Variants in PSMB1 observed in about 807,000 individuals in gnomAD.
PSMB1 encodes the protein proteasome subunit beta type-1.
In PSMB1, 7 loss-of-function variants were observed where a neutral mutation model predicts 25.4. The observed-to-expected ratio is 0.28, with a 90% confidence interval of 0.16 to 0.52. PSMB1 has a LOEUF of 0.52. Among genes scored for constraint, PSMB1 ranks in the 20% least tolerant of loss-of-function variants. The pLI, the probability that PSMB1 is intolerant of heterozygous loss-of-function variation, is 0.97. For missense variants in PSMB1, 284 were observed against 302.2 expected (o/e 0.94, Z 0.45); for synonymous variants, 119 against 115.0 (o/e 1.03, Z -0.22).
At chr6:170,537,491 G>A in intron 4 of PSMB1, 151 bp from the exon 5 acceptor site, 1 of 628,068 alleles carries the variant, frequency 1.6e-6, no homozygotes, top group Non-Finnish European at 2.9e-6. Context: ...CTGTTGCACT[G>A]GTGACAGCTG....
intron 3 of PSMB1, among the ~76,000 whole-genome samples, chr6:170,545,819 G>GA (rs1362531878): frequency 1.3e-5 from 2 of 152,146 alleles, no homozygotes; most frequent in African/African-American, 4.8e-5. Context: ...TTTGAGGGAA[G>GA]AGTATCTTCA....
intron 3 of PSMB1, among the ~76,000 whole-genome samples, chr6:170,544,737 G>T (rs115367920): frequency 6.6e-6 from 1 of 152,018 alleles, no homozygotes; most frequent in Non-Finnish European, 1.5e-5. Flanking sequence ...AACTAGCACC[G>T]TAAAATTAAA....
At chr6:170,550,436 C>T (rs967902472) in intron 1 of PSMB1, 2 of 152,120 alleles carry the variant, frequency 1.3e-5, no homozygotes, top group South Asian at 4.1e-4. Flanking sequence ...GTATTCTGAG[C>T]AAGAATGATC....
intron 4 of PSMB1, among the ~76,000 whole-genome samples, chr6:170,542,391 GCTTT>G (rs1778767835): frequency 6.6e-6 from 1 of 152,180 alleles, no homozygotes; most frequent in East Asian, 1.9e-4. Context: ...CAGTCCCCTT[GCTTT>G]CTTTCTGTGT....
At chr6:170,550,411 C>T (rs997272960) in intron 1 of PSMB1, 2 of 152,116 alleles carry the variant, frequency 1.3e-5, no homozygotes, top group Non-Finnish European at 2.9e-5. Flanking sequence ...GGAATTTTAG[C>T]AAGAAATCAT....
Position 170,543,818 on chromosome 6 carries a change from T to C in PSMB1, c.304-88A>G, listed in dbSNP as rs1266994880. 4.8e-6 allele frequency: 6 copies of C among 1,238,420 alleles called. No homozygotes were observed. In the South Asian group the frequency reaches 8.1e-5, roughly 17 times the overall value. The allele number at this position is 1,238,420 out of a possible 1,614,324, so 76.7% of individuals were successfully genotyped here. A position where few individuals can be genotyped will look rare whatever the true frequency, so the allele number is the denominator to read the frequency against. ...CAACAGTATAAAGTGAATAAATAAA[T>C]GCATACCACAGTGGAAGGGGAAAGC... is the stretch of plus-strand genomic sequence containing the variant. On this transcript the variant is annotated intron_variant, in intron 3 of 5. Transcript: ENST00000262193.
intron 5 of PSMB1, among the ~76,000 whole-genome samples, chr6:170,536,029 C>G (rs1242773230): frequency 6.6e-6 from 1 of 152,158 alleles, no homozygotes; most frequent in Non-Finnish European, 1.5e-5. Flanking sequence ...ATCCAATAAT[C>G]TAATAATGTA....
rs1309507512 is a variant in PSMB1, at chr6:170,546,061, C to A, written c.303+42G>T. ...AGGCTTAAAAGAATTTAATGAATTA[C>A]TATTAATTTAAAATAGTGTAGAAAT... is the stretch of plus-strand genomic sequence containing the variant. On this transcript the variant is annotated intron_variant, in intron 3 of 5. Transcript: ENST00000262193. The A allele has an allele frequency of 2.6e-6, 4 of 1,511,956 alleles. No homozygotes were observed. In the South Asian group the frequency reaches 3.5e-5, roughly 13 times the overall value. 93.7% of individuals were successfully genotyped at this position (1,511,956 alleles called of 1,614,324 possible).
rs1202757854 is a variant in PSMB1, at chr6:170,535,236, G to A, written c.710C>T (p.Ser237Phe). The change falls in exon 6 of 6, where the codon TCC (serine) becomes TTC (phenylalanine). Residue 237 changes from serine (S) to phenylalanine (F), a missense_variant. By Grantham distance (155) the Ser-to-Phe change is radical. Coordinates refer to ENST00000262193, the MANE Select transcript of PSMB1 (RefSeq NM_002793.4). ...TKEGIREETV[S>F]LRKD is the part of the protein sequence containing the mutation. ...GCACACAGATCAGTCCTTCCTTAAG[G>A]AAACAGTTTCCTCCCTGATGCCCTC... The A allele has an allele frequency of 3.1e-6, 5 of 1,614,076 alleles. No homozygotes were observed. The highest frequency in any genetic ancestry group is 4.2e-6 in the Non-Finnish European group (5 of 1,179,964).
Position 170,543,649 on chromosome 6 carries a change from A to G in PSMB1, c.385T>C (p.Phe129Leu). 1 of 1,611,814 alleles carries G rather than the reference A, an allele frequency of 6.2e-7. No homozygotes were observed. The change falls in exon 4 of 6, where the codon TTC becomes CTC. Residue 129 changes from phenylalanine (F) to leucine (L), a missense_variant. Coordinates refer to ENST00000262193, the MANE Select transcript of PSMB1 (RefSeq NM_002793.4). ...MLSTILYSRRFFPYYVYNIIG... is the reference protein window; with the variant it reads ...MLSTILYSRRLFPYYVYNIIG... ...ATGTTGTAAACATAGTATGGAAAGA[A>G]GCGCCTTGAATACAGGATTGTAGAC... is the stretch of plus-strand genomic sequence containing the variant.
intron 5 of PSMB1, 73 bp downstream of exon 5, chr6:170,537,161 T>G (rs1339489494): frequency 8.6e-6 from 10 of 1,167,422 alleles, no homozygotes; most frequent in Non-Finnish European, 1.2e-5. Context: ...GAGGAGAACT[T>G]GGAGGAAGGC....
intron 4 of PSMB1, among the ~76,000 whole-genome samples, chr6:170,541,560 A>G (rs1490179322): frequency 6.6e-6 from 1 of 152,212 alleles, no homozygotes; most frequent in Non-Finnish European, 1.5e-5. Context: ...TGGAAAATGG[A>G]GGTAAGTACC....
chr6:170,552,925 T>A (rs1000619544), intron 1 of PSMB1, among the ~76,000 whole-genome samples: 1 of 152,140 alleles, frequency 6.6e-6, no homozygotes, highest in Non-Finnish European at 1.5e-5. Context: ...AATCACCAAG[T>A]AAACTTGAGC....
intron 3 of PSMB1, among the ~76,000 whole-genome samples, chr6:170,545,347 A>G (rs985685645): frequency 6.6e-6 from 1 of 152,210 alleles, no homozygotes; most frequent in African/African-American, 2.4e-5. Flanking sequence ...ATTAGGAATT[A>G]TCATATAAAT....
chr6:170,547,166 G>A (rs1778829501), intron 2 of PSMB1, among the ~76,000 whole-genome samples: 1 of 152,146 alleles, frequency 6.6e-6, no homozygotes, highest in Non-Finnish European at 1.5e-5. Flanking sequence ...TGTTAGATGG[G>A]CAATTTGGTG....
chr6:170,536,873 C>A (rs1183443011), intron 5 of PSMB1, among the ~76,000 whole-genome samples: 1 of 151,886 alleles, frequency 6.6e-6, no homozygotes, highest in Non-Finnish European at 1.5e-5. Context: ...AGTTCAAGTA[C>A]AGTATTGGGT....
intron 5 of PSMB1, among the ~76,000 whole-genome samples, chr6:170,535,905 G>A (rs1297990835): frequency 1.3e-5 from 2 of 152,158 alleles, no homozygotes; most frequent in Admixed American, 1.3e-4. Flanking sequence ...GGTGACAGGA[G>A]ATGAGGTCAA....
chr6:170,543,622 T>C lies in PSMB1; in HGVS notation c.412A>G (p.Ile138Val). 2 of 1,610,282 alleles carry C rather than the reference T, an allele frequency of 1.2e-6. No individual in the cohort carries two copies. The highest frequency in any genetic ancestry group is 2.2e-5 in the East Asian group (1 of 44,820). Residue 138 changes from isoleucine (I) to valine (V), a missense_variant, in exon 4 of 6, where the codon ATC (isoleucine) becomes GTC (valine). Transcript: ENST00000262193. Reference protein sequence around the residue: ...RFFPYYVYNIIGGLDEEGKGA... With the variant: ...RFFPYYVYNIVGGLDEEGKGA... ...CTACCTTCTTCATCAAGTCCACCGA[T>C]GATGTTGTAAACATAGTATGGAAAG...
chr6:170,550,904 AGGGGGG>A (rs11360199), intron 1 of PSMB1, among the ~76,000 whole-genome samples: 1 of 76,030 alleles, frequency 1.3e-5, no homozygotes, highest in Non-Finnish European at 2.6e-5. Context: ...TGGGAGGCTG[AGGGGGG>A]GGGGGGGGGT....
Sources: allele counts gnomAD v4.1 joint callset (sites outside exome capture counted in the v4.1 genomes callset), GRCh38; gene constraint gnomAD v4.1.1; transcripts MANE v1.5; gene names NCBI Gene and HGNC (gene_info 2026-07-23, HGNC 2026-07-21).